Variants in FANCC observed in about 807,000 individuals in gnomAD.
The protein encoded by FANCC is Fanconi anemia group C protein.
Under a neutral mutation model 71.3 loss-of-function variants are expected in FANCC, and 55 were observed. That is an observed-to-expected ratio of 0.77 (90% CI 0.62 to 0.97). The LOEUF (loss-of-function observed/expected upper bound fraction) is 0.97. Ranked by LOEUF, FANCC falls within the 50% of genes least tolerant of loss-of-function variation. FANCC has a pLI of 0.00. For synonymous variants in FANCC, 275 were observed against 244.9 expected (o/e 1.12, Z -1.15); for missense variants, 678 against 670.9 (o/e 1.01, Z -0.12).
chr9:95,184,995 T>A (rs1374168183), intron 4 of FANCC, among the ~76,000 whole-genome samples: 1 of 152,242 alleles, frequency 6.6e-6, no homozygotes, highest in Admixed American at 6.5e-5. Flanking sequence ...AATATTCTTG[T>A]AACACAGTTT....
intron 1 of FANCC, among the ~76,000 whole-genome samples, chr9:95,303,074 G>A (rs1402935983): frequency 6.6e-6 from 1 of 152,092 alleles, no homozygotes; most frequent in East Asian, 1.9e-4. Context: ...TCTAGAATAC[G>A]GTTGTACAGC....
intron 1 of FANCC, among the ~76,000 whole-genome samples, chr9:95,303,429 A>G (rs1834875198): frequency 6.6e-6 from 1 of 152,184 alleles, no homozygotes; most frequent in South Asian, 2.1e-4. Context: ...CATGCAGTTC[A>G]CCTTTATGAA....
rs1175875263 is a variant in FANCC at position 95,165,159 on chromosome 9, CTCTT to C, written c.521+5916_521+5919del. Reference sequence around the variant, plus strand: ...TTCCTGATTTTTGCTATTAAGTCTTCTCTTTTTTTTTCTTAGTCTAAGGAATTGT... The same window carrying C: ...TTCCTGATTTTTGCTATTAAGTCTTCTTTTTTTCTTAGTCTAAGGAATTGT... On this transcript the variant is annotated intron_variant, in intron 6 of 14. Coordinates refer to ENST00000289081, the MANE Select transcript of FANCC (RefSeq NM_000136.3). 4.6e-5 allele frequency among the ~76,000 whole-genome samples: 7 copies of C among 151,622 alleles called. No individual in the cohort carries two copies. The East Asian group carries it at 1.4e-3, about 29-fold the overall frequency.
At chr9:95,117,605 A>AAAATGAT (rs5899245) in intron 10 of FANCC, among the ~76,000 whole-genome samples, 1 of 151,822 alleles carries the variant, frequency 6.6e-6, no homozygotes, top group Non-Finnish European at 1.5e-5. Flanking sequence ...CTGGGACTTA[A>AAAATGAT]AAATTTATGC....
chr9:95,147,569 C>T (rs1829733236), intron 7 of FANCC, among the ~76,000 whole-genome samples: 1 of 152,152 alleles, frequency 6.6e-6, no homozygotes, highest in Non-Finnish European at 1.5e-5. Flanking sequence ...AATTCTCTGA[C>T]TCATGAGATG....
At chr9:95,294,645 T>C (rs1834264794) in intron 1 of FANCC, 1 of 1,584,424 alleles carries the variant, frequency 6.3e-7, no homozygotes, top group South Asian at 1.1e-5. Context: ...AGACCATGAG[T>C]TCTGGGTTTG....
At chr9:95,146,957 A>G (rs1446682350) in intron 7 of FANCC, among the ~76,000 whole-genome samples, 2 of 151,638 alleles carry the variant, frequency 1.3e-5, no homozygotes, top group Non-Finnish European at 2.9e-5. Context: ...ATATTTTTTA[A>G]TTTTGAAAAC....
chr9:95,138,688 C>G (rs73654534), intron 7 of FANCC, among the ~76,000 whole-genome samples: 1 of 152,188 alleles, frequency 6.6e-6, no homozygotes, highest in African/African-American at 2.4e-5. Flanking sequence ...AGCCATGGCA[C>G]GGTGTTTGTC....
At chr9:95,127,306 C>A in intron 8 of FANCC, 1 of 152,408 alleles carries the variant, frequency 6.6e-6, no homozygotes. Flanking sequence ...GAGATGATGC[C>A]AGATGAAAAT....
intron 4 of FANCC, among the ~76,000 whole-genome samples, chr9:95,225,015 T>C (rs923997434): frequency 2.0e-5 from 3 of 152,230 alleles, no homozygotes; most frequent in East Asian, 1.9e-4. Flanking sequence ...AACTCCAATA[T>C]TGTCAGATCT....
At chr9:95,210,273 T>C (rs983495267) in intron 4 of FANCC, among the ~76,000 whole-genome samples, 3 of 152,172 alleles carry the variant, frequency 2.0e-5, no homozygotes, top group Admixed American at 6.5e-5. Context: ...ATGTGGATGA[T>C]ATTGAACATA....
chr9:95,128,909 CT>C (rs756314206), intron 8 of FANCC, among the ~76,000 whole-genome samples: 7,281 of 144,412 alleles, frequency 0.05, 462 homozygotes, highest in African/African-American at 0.15. Context: ...AACCAGTCTC[CT>C]TTTTTTTTTT....
At chr9:95,253,164 A>G (rs1831457502) in intron 1 of FANCC, among the ~76,000 whole-genome samples, 1 of 152,204 alleles carries the variant, frequency 6.6e-6, no homozygotes, top group Non-Finnish European at 1.5e-5. Context: ...CTGATCCTCA[A>G]TATGCTGCTC....
In FANCC at chr9:95,294,263, T is replaced by G. The variant is rs1286818783; in HGVS notation, c.-79+23263A>C. ...ATCAATTTTGATATTGAAGAGTTCT[T>G]TTCGGCCTCACATATCCAGACTCAA... On this transcript the variant is annotated intron_variant, in intron 1 of 14. Transcript: ENST00000289081. The G allele has an allele frequency of 3.2e-6, 5 of 1,579,810 alleles. No homozygotes were observed. The Admixed American group carries it at 8.3e-5, about 26-fold the overall frequency.
At chr9:95,315,025 T>G (rs188455023) in intron 1 of FANCC, among the ~76,000 whole-genome samples, 1 of 152,162 alleles carries the variant, frequency 6.6e-6, no homozygotes, top group Admixed American at 6.5e-5. Context: ...AAGAAAAACA[T>G]TGGATAACTT....
In FANCC at chr9:95,293,399, C is replaced by T. The variant is rs989321563; in HGVS notation, c.-79+24127G>A. On this transcript the variant is annotated intron_variant, in intron 1 of 14. Coordinates refer to ENST00000289081, the MANE Select transcript of FANCC (RefSeq NM_000136.3). Reference sequence around the variant, plus strand: ...CCTTGTCAGTAGGAACCCTGATCCTCGGCCTAGATTCAGAGGCTTGCTCTC... The same window carrying T: ...CCTTGTCAGTAGGAACCCTGATCCTTGGCCTAGATTCAGAGGCTTGCTCTC... The T allele has an allele frequency of 4.7e-5, 74 of 1,579,354 alleles. No homozygotes were observed. In the Admixed American group the frequency reaches 1.3e-3, roughly 28 times the overall value.
intron 4 of FANCC, among the ~76,000 whole-genome samples, chr9:95,183,453 C>T (rs1387290048): frequency 6.6e-6 from 1 of 152,268 alleles, no homozygotes; most frequent in East Asian, 1.9e-4. Flanking sequence ...GCACAGATTG[C>T]TCTCTTACAG....
chr9:95,199,228 G>A lies in FANCC; in HGVS notation c.346-27081C>T, dbSNP rs140808848. ...ACAGACTGCACTCTGGCCAGTTTTC[G>A]AAGCCCCCCACCTCACCCCTAGTAC... On this transcript the variant is annotated intron_variant, in intron 4 of 14. Coordinates refer to ENST00000289081, the MANE Select transcript of FANCC (RefSeq NM_000136.3). Among the ~76,000 whole-genome samples the A allele has an allele frequency of 3.3e-5, 5 of 151,890 alleles. No homozygotes were observed. The East Asian group carries it at 7.8e-4, about 24-fold the overall frequency.
In FANCC at chr9:95,122,024, A is replaced by G. The variant is rs1234330015; in HGVS notation, c.996+3062T>C. The stretch of plus-strand genomic sequence containing the variant: ...AAGCGCCCACCACCATGCCCGGCGA[A>G]TTTTTTTGTATTTTTAGTAGAGACA... On this transcript the variant is annotated intron_variant, in intron 10 of 14. Transcript: ENST00000289081. Among the ~76,000 whole-genome samples, 3 of 151,642 alleles carry G rather than the reference A, an allele frequency of 2.0e-5. No homozygotes were observed. The East Asian group carries it at 5.8e-4, about 29-fold the overall frequency.
Sources: allele counts gnomAD v4.1 joint callset (sites outside exome capture counted in the v4.1 genomes callset), GRCh38; gene constraint gnomAD v4.1.1; transcripts MANE v1.5; gene names NCBI Gene and HGNC (gene_info 2026-07-23, HGNC 2026-07-21).